Variants in TEX11 observed in about 807,000 individuals in gnomAD.
The protein encoded by TEX11 is testis-expressed protein 11.
Under a neutral mutation model 84.4 loss-of-function variants are expected in TEX11, and 7 were observed. The observed-to-expected ratio is 0.08, with a 90% CI of 0.05 to 0.16. TEX11 has a LOEUF of 0.16. Ranked by LOEUF, TEX11 falls within the 10% of genes least tolerant of loss-of-function variation. The probability of loss-of-function intolerance (pLI) is 1.00; values close to 1 mark genes in which losing one functional copy is unlikely to be tolerated. For missense variants in TEX11, 551 were observed against 660.5 expected, an observed-to-expected ratio of 0.83 and a Z score of 1.82; for synonymous variants, 264 against 222.8, an observed-to-expected ratio of 1.18 and a Z score of -1.64.
chrX:70,613,990 C>T (rs1399466051), intron 20 of TEX11, among the ~76,000 whole-genome samples: 3 of 111,067 alleles, frequency 2.7e-5, no homozygotes, highest in African/African-American at 6.6e-5. Context: ...CCGGAAGGAT[C>T]CATCACCTGT....
At chrX:70,750,287 G>C (rs760060056) in intron 9 of TEX11, among the ~76,000 whole-genome samples, 90 of 111,409 alleles carry the variant, frequency 8.1e-4, no homozygotes, top group African/African-American at 2.8e-3. Context: ...GTGCTGGAGA[G>C]GATGTGGAGA....
intron 20 of TEX11, among the ~76,000 whole-genome samples, chrX:70,618,624 G>A (rs146585453): frequency 1.1e-3 from 122 of 111,787 alleles, no homozygotes; most frequent in African/African-American, 3.7e-3. Context: ...TCAGACTGAT[G>A]CTGATAGCCC....
At chrX:70,742,377 T>A (rs2147746499) in intron 10 of TEX11, among the ~76,000 whole-genome samples, 1 of 108,350 alleles carries the variant, frequency 9.2e-6, no homozygotes, top group South Asian at 3.8e-4. Flanking sequence ...TATATATAAA[T>A]AATTTATTTA....
At chrX:70,653,854 TA>T (rs984905350) in intron 16 of TEX11, among the ~76,000 whole-genome samples, 7 of 111,673 alleles carry the variant, frequency 6.3e-5, no homozygotes, top group African/African-American at 1.3e-4. Flanking sequence ...TATTCAGCAC[TA>T]AAAAAAATTA....
Position 70,760,745 on chromosome X carries a change from A to C in TEX11, c.693-16526T>G, listed in dbSNP as rs192454131. 6.9e-4 allele frequency among the ~76,000 whole-genome samples: 77 copies of C among 111,807 alleles called. 1 individual carries two copies. Among genetic ancestry groups the C allele is most frequent in the Middle Eastern group, 4.6e-3 (1 of 218 alleles). On this transcript the variant is annotated intron_variant, in intron 9 of 29. Coordinates refer to ENST00000374333, the MANE Select transcript of TEX11 (RefSeq NM_031276.3). ...CACCAAAAGCAATGGCAACAAAAGC[A>C]AAAATTGACAAATGGGATCTAATTG...
At chrX:70,702,221 C>T (rs1170644308) in intron 13 of TEX11, among the ~76,000 whole-genome samples, 1 of 111,519 alleles carries the variant, frequency 9.0e-6, no homozygotes, top group Non-Finnish European at 1.9e-5. Flanking sequence ...GTAAACTTCA[C>T]TGTTGACTTA....
At chrX:70,650,782 C>A (rs2089801672) in intron 17 of TEX11, among the ~76,000 whole-genome samples, 1 of 112,038 alleles carries the variant, frequency 8.9e-6, no homozygotes, top group African/African-American at 3.2e-5. Flanking sequence ...AAATGGCAAC[C>A]AGTCTGGAGC....
chrX:70,607,438 A>G (rs192466299), intron 22 of TEX11, among the ~76,000 whole-genome samples: 2 of 111,051 alleles, frequency 1.8e-5, no homozygotes, highest in Non-Finnish European at 3.8e-5. Flanking sequence ...AAAAATTAAA[A>G]AACAAACCAA....
chrX:70,809,124 T>C (rs73544787), intron 8 of TEX11, among the ~76,000 whole-genome samples: 3,086 of 112,008 alleles, frequency 0.028, 103 homozygotes, highest in African/African-American at 0.094. Flanking sequence ...TCTGTACAGA[T>C]AAGAGAAGAT....
At chrX:70,641,847 C>G (rs964907875) in intron 17 of TEX11, among the ~76,000 whole-genome samples, 5 of 111,027 alleles carry the variant, frequency 4.5e-5, no homozygotes, top group African/African-American at 1.6e-4. Context: ...CCTAACATCA[C>G]AGTTAAAAGA....
At chrX:70,838,252 G>A (rs1398873991) in intron 7 of TEX11, among the ~76,000 whole-genome samples, 1 of 110,823 alleles carries the variant, frequency 9.0e-6, no homozygotes, top group Non-Finnish European at 1.9e-5. Context: ...AACACCATCT[G>A]TACTAAAAAT....
At chrX:70,710,679 C>A (rs1335303105) in intron 13 of TEX11, among the ~76,000 whole-genome samples, 3 of 110,322 alleles carry the variant, frequency 2.7e-5, no homozygotes, top group African/African-American at 6.6e-5. Context: ...CCCACCAAAT[C>A]AGAATCTGCA....
At chrX:70,818,360 G>C (rs1378154213) in intron 8 of TEX11, among the ~76,000 whole-genome samples, 4 of 110,601 alleles carry the variant, frequency 3.6e-5, no homozygotes, top group Non-Finnish European at 5.7e-5. Flanking sequence ...CAAAATCTGA[G>C]GATAACCACA....
At chrX:70,615,516 G>T (rs2147536551) in intron 20 of TEX11, among the ~76,000 whole-genome samples, 1 of 111,967 alleles carries the variant, frequency 8.9e-6, no homozygotes, top group East Asian at 2.8e-4. Flanking sequence ...ATTTAAAAAT[G>T]ATGCACAGCT....
intron 11 of TEX11, among the ~76,000 whole-genome samples, chrX:70,726,300 A>G (rs937614696): frequency 3.6e-5 from 4 of 111,485 alleles, no homozygotes; most frequent in African/African-American, 1.3e-4. Flanking sequence ...CACTGATTTC[A>G]TTACCAAACA....
intron 24 of TEX11, among the ~76,000 whole-genome samples, chrX:70,592,810 C>T (rs2088951532): frequency 9.0e-6 from 1 of 111,172 alleles, no homozygotes; most frequent in African/African-American, 3.3e-5. Flanking sequence ...AAGGAAATGA[C>T]TTTAATTGGA....
intron 28 of TEX11, among the ~76,000 whole-genome samples, chrX:70,536,132 G>T (rs189971996): frequency 3.2e-4 from 35 of 110,527 alleles, no homozygotes; most frequent in Admixed American, 1.2e-3. Flanking sequence ...CATGGTATAA[G>T]GCAAAAAAAT....
intron 25 of TEX11, among the ~76,000 whole-genome samples, chrX:70,591,465 T>C (rs765046122): frequency 9.1e-6 from 1 of 110,303 alleles, no homozygotes; most frequent in African/African-American, 3.3e-5. Context: ...TAGCCAGGCG[T>C]TGTAGTGCAT....
downstream of TEX11, among the ~76,000 whole-genome samples, chrX:70,525,906 A>G (rs2087817997): frequency 9.0e-6 from 1 of 111,627 alleles, no homozygotes; most frequent in South Asian, 3.8e-4. Flanking sequence ...AGTCAACAAC[A>G]TGAAGGGCCT....
Sources: gnomAD v4.1 joint callset for allele counts (sites outside exome capture counted in the v4.1 genomes callset) on GRCh38, gnomAD v4.1.1 for gene constraint, MANE v1.5 for transcripts, NCBI Gene and HGNC (gene_info 2026-07-23, HGNC 2026-07-21) for gene names.